The following IRAK1BP1 variants were observed in gnomAD, a reference collection of about 807,000 sequenced individuals.
The protein encoded by IRAK1BP1 is interleukin 1 receptor associated kinase 1 binding protein 1.
IRAK1BP1 carries 24 observed loss-of-function variants against 28.0 expected under a neutral mutation model. The observed-to-expected ratio is 0.86, with a 90% CI of 0.62 to 1.20. The LOEUF is 1.20. Ranked by LOEUF, IRAK1BP1 falls within the 50% of genes most tolerant of loss-of-function variation. The pLI is 0.00. For synonymous variants in IRAK1BP1, 131 were observed against 116.3 expected, an observed-to-expected ratio of 1.13 and a Z score of -0.81; for missense variants, 336 against 316.7, an observed-to-expected ratio of 1.06 and a Z score of -0.46.
At chr6:78,871,615 G>C (rs1770794676) in intron 1 of IRAK1BP1, 1 of 819,718 alleles carries the variant, frequency 1.2e-6, no homozygotes, top group Non-Finnish European at 1.5e-6. Flanking sequence ...AAGTATGATG[G>C]TATTCGGAGG....
At position 78,902,073 on chromosome 6, in the gene IRAK1BP1, T is replaced by C. The variant is rs1482453060; in HGVS notation, c.*3739T>C. 6.6e-6 allele frequency: 1 copy of C among 152,214 alleles called. No individual in the cohort carries two copies. The highest frequency in any genetic ancestry group is 6.5e-5 in the Admixed American group (1 of 15,274). The allele number at this position is 152,214 out of a possible 1,614,324, so 9.4% of individuals were successfully genotyped here. A position where few individuals can be genotyped will look rare whatever the true frequency, so the allele number is the denominator to read the frequency against. The stretch of plus-strand genomic sequence containing the variant: ...ATTTATTCCAACAAAAAAAGACCTA[T>C]ATAAATTAGTTTAAGCTAACATTTA... On this transcript the variant is annotated 3_prime_UTR_variant, in exon 4 of 4. Coordinates refer to ENST00000369940, the MANE Select transcript of IRAK1BP1 (RefSeq NM_001010844.4).
the IRAK1BP1 span, among the ~76,000 whole-genome samples, chr6:78,958,795 C>T: frequency 2.0e-5 from 3 of 151,972 alleles, no homozygotes; most frequent in South Asian, 4.1e-4. Flanking sequence ...ACCATAACTA[C>T]GTATTTGCAT....
the IRAK1BP1 span, among the ~76,000 whole-genome samples, chr6:78,954,133 G>A: frequency 1.3e-5 from 2 of 152,072 alleles, no homozygotes; most frequent in African/African-American, 2.4e-5. Context: ...TCAGTCTCTT[G>A]CTCTGTCGCC....
At chr6:78,874,553 G>A (rs1770924761) in intron 1 of IRAK1BP1, among the ~76,000 whole-genome samples, 1 of 152,000 alleles carries the variant, frequency 6.6e-6, no homozygotes, top group African/African-American at 2.4e-5. Context: ...GCATTTGTAG[G>A]GCAAGTTCTC....
At chr6:78,969,773 A>C in the IRAK1BP1 span, 1 of 737,744 alleles carries the variant, frequency 1.4e-6, no homozygotes, top group Non-Finnish European at 2.2e-6. Flanking sequence ...AAAAATAGTA[A>C]ATCACTTACT....
downstream of IRAK1BP1, among the ~76,000 whole-genome samples, chr6:78,903,358 G>T (rs1489624537): frequency 1.3e-5 from 2 of 151,992 alleles, no homozygotes; most frequent in Non-Finnish European, 2.9e-5. Flanking sequence ...GGGTGTGGTG[G>T]CACACGCCTG....
chr6:78,969,939 T>A, the IRAK1BP1 span: 19 of 1,570,382 alleles, frequency 1.2e-5, no homozygotes, highest in Non-Finnish European at 1.5e-5. Context: ...CAGAAACAAA[T>A]TGATTAGGTC....
intron 4 of IRAK1BP1, among the ~76,000 whole-genome samples, chr6:78,908,668 A>G (rs758789369): frequency 2.2e-4 from 34 of 152,318 alleles, no homozygotes; most frequent in Non-Finnish European, 4.0e-4. Context: ...TCAGTGTTCA[A>G]TAGGTGCCTA....
chr6:78,941,246 C>G, intron 4 of IRAK1BP1: 1 of 1,613,452 alleles, frequency 6.2e-7, no homozygotes, highest in Non-Finnish European at 8.5e-7. Flanking sequence ...CCTTCCAGGT[C>G]CCCTCTTCAC....
chr6:78,945,500 A>G (rs1228640378), exon 5 of IRAK1BP1: 3 of 1,549,616 alleles, frequency 1.9e-6, no homozygotes, highest in African/African-American at 2.7e-5. Context: ...CTCTAGTACT[A>G]AAACATACAA....
intron 4 of IRAK1BP1, among the ~76,000 whole-genome samples, chr6:78,908,184 G>A (rs1338732432): frequency 6.6e-6 from 1 of 151,658 alleles, no homozygotes; most frequent in Non-Finnish European, 1.5e-5. Flanking sequence ...CCGAGTAGCT[G>A]GGAATACAGG....
chr6:78,961,836 A>G, the IRAK1BP1 span: 8 of 1,561,706 alleles, frequency 5.1e-6, no homozygotes, highest in Admixed American at 1.9e-5. Context: ...AAGTTTGTAA[A>G]TTTATTTTTG....
At chr6:78,871,347 T>C in intron 1 of IRAK1BP1, 1 of 984,848 alleles carries the variant, frequency 1.0e-6, no homozygotes, top group Non-Finnish European at 1.2e-6. Context: ...GAAGGGAGTG[T>C]TTAACCCCTT....
At chr6:78,945,608 C>G in exon 5 of IRAK1BP1, 1 of 702,648 alleles carries the variant, frequency 1.4e-6, no homozygotes, top group Non-Finnish European at 2.4e-6. Flanking sequence ...CTGAAGGATG[C>G]TTAAAGCTTT....
the IRAK1BP1 span, among the ~76,000 whole-genome samples, chr6:78,977,855 T>C: frequency 2.0e-5 from 3 of 152,164 alleles, no homozygotes; most frequent in African/African-American, 7.2e-5. Context: ...ATTAAAAAGT[T>C]TTTGTTTTCT....
the IRAK1BP1 span, among the ~76,000 whole-genome samples, chr6:78,952,831 T>G: frequency 1.3e-3 from 199 of 147,654 alleles, 1 homozygote; most frequent in South Asian, 7.7e-3. Flanking sequence ...ACCAAAACTA[T>G]CTATCAAAGT....
At chr6:78,959,202 A>T in the IRAK1BP1 span, among the ~76,000 whole-genome samples, 1 of 152,180 alleles carries the variant, frequency 6.6e-6, no homozygotes, top group African/African-American at 2.4e-5. Context: ...CTGAAAGTAA[A>T]TAAAAATCCA....
the IRAK1BP1 span, among the ~76,000 whole-genome samples, chr6:78,962,506 T>A: frequency 6.8e-6 from 1 of 146,852 alleles, no homozygotes; most frequent in Admixed American, 6.7e-5. Context: ...ATCCAGCTCT[T>A]CTTACTCATG....
At chr6:78,904,631 A>T (rs1472723364), downstream of IRAK1BP1, among the ~76,000 whole-genome samples, 1 of 152,204 alleles carries the variant, frequency 6.6e-6, no homozygotes, top group Admixed American at 6.6e-5. Context: ...TCTTCCATTG[A>T]ATCAGTCATA....
Sources: gnomAD v4.1 joint callset for allele counts (sites outside exome capture counted in the v4.1 genomes callset) on GRCh38, gnomAD v4.1.1 for gene constraint, MANE v1.5 for transcripts, NCBI Gene and HGNC (gene_info 2026-07-23, HGNC 2026-07-21) for gene names.